Variants in NPR3 observed in about 807,000 individuals in gnomAD.
The protein encoded by NPR3 is atrial natriuretic peptide receptor 3.
In NPR3, 34 loss-of-function variants were observed where a neutral mutation model predicts 54.5. The observed-to-expected ratio is 0.62, with a 90% confidence interval of 0.47 to 0.83. The LOEUF (loss-of-function observed/expected upper bound fraction) is 0.83, where lower values mean the gene tolerates loss of function less well. Ranked by LOEUF, NPR3 falls within the 40% of genes least tolerant of loss-of-function variation. NPR3 has a pLI of 0.00. For missense variants in NPR3, 674 were observed against 720.8 expected, an observed-to-expected ratio of 0.94 and a Z score of 0.74; for synonymous variants, 289 against 297.1, an observed-to-expected ratio of 0.97 and a Z score of 0.28.
intron 4 of NPR3, among the ~76,000 whole-genome samples, chr5:32,779,852 A>G (rs1166781489): frequency 2.0e-5 from 3 of 152,192 alleles, no homozygotes; most frequent in Non-Finnish European, 4.4e-5. Context: ...CTTCCCTTAA[A>G]TGTGCTGAAA....
At position 32,760,693 on chromosome 5, in the gene NPR3, A is replaced by T. The variant is rs1741122683; in HGVS notation, c.1060-14015A>T. ...TTTTTTTTTTTTTAAATTTAGATGTAGTCAGTTTTTTTAATGTTCTGCTTT... is the reference window on the plus strand; with the variant it reads ...TTTTTTTTTTTTTAAATTTAGATGTTGTCAGTTTTTTTAATGTTCTGCTTT... On this transcript the variant is annotated intron_variant, in intron 3 of 7. Coordinates refer to ENST00000265074, the MANE Select transcript of NPR3 (RefSeq NM_001204375.2). 2.0e-5 allele frequency among the ~76,000 whole-genome samples: 3 copies of T among 149,630 alleles called. No individual in the cohort carries two copies. The South Asian group carries it at 6.4e-4, about 32-fold the overall frequency.
Position 32,769,251 on chromosome 5 carries a change from A to T in NPR3, c.1060-5457A>T, listed in dbSNP as rs139025463. On this transcript the variant is annotated intron_variant, in intron 3 of 7. Coordinates refer to ENST00000265074, the MANE Select transcript of NPR3 (RefSeq NM_001204375.2). ...AACAAAAATCGATATTCTATTTTTA[A>T]AGTCTAGGTACTGTATTATATTTGT... Among the ~76,000 whole-genome samples the T allele has an allele frequency of 4.1e-3, 628 of 152,340 alleles. 4 individuals are homozygous for T. Among genetic ancestry groups the T allele is most frequent in the African/African-American group, 0.014 (600 of 41,578 alleles).
intron 1 of NPR3, among the ~76,000 whole-genome samples, chr5:32,720,400 G>T (rs945086120): frequency 9.9e-5 from 15 of 152,278 alleles, no homozygotes; most frequent in Middle Eastern, 3.4e-3. Context: ...CCAATTCAGG[G>T]ATACTACCTG....
chr5:32,765,807 G>A (rs186267095), intron 3 of NPR3, among the ~76,000 whole-genome samples: 25 of 152,256 alleles, frequency 1.6e-4, no homozygotes, highest in South Asian at 8.3e-4. Context: ...CATTGAAAGG[G>A]AATCAAACGG....
rs976598675 is a variant in NPR3 at position 32,713,358 on chromosome 5, C to G, written c.769+813C>G. 5.1e-6 allele frequency: 5 copies of G among 985,302 alleles called. No homozygotes were observed. The African/African-American group carries it at 7.0e-5, about 14-fold the overall frequency. The allele number at this position is 985,302 out of a possible 1,614,324, so 61.0% of individuals were successfully genotyped here. On this transcript the variant is annotated intron_variant, in intron 1 of 7. Transcript: ENST00000265074. The stretch of plus-strand genomic sequence containing the variant: ...TAAAACCCAAACTGGACAAAGAGCT[C>G]GAGGCTGAGGATGGTGGCTATGGCT...
chr5:32,712,503 G>A lies in NPR3; in HGVS notation c.727G>A (p.Asp243Asn). ...IYSFDETKDL[D>N]LEDIVRNIQA... ...CAGTTTCGACGAGACCAAAGACTTG[G>A]ATCTGGAAGACATCGTGCGCAATAT... Residue 243 changes from aspartate to asparagine, a missense_variant, in exon 1 of 8, where the codon GAT becomes AAT. Asp to Asn is a conservative substitution (Grantham distance 23). Coordinates refer to ENST00000265074, the MANE Select transcript of NPR3 (RefSeq NM_001204375.2). The A allele has an allele frequency of 6.5e-7, 1 of 1,550,134 alleles. No individual in the cohort carries two copies. The highest frequency in any genetic ancestry group is 8.7e-7 in the Non-Finnish European group (1 of 1,150,310).
intron 3 of NPR3, among the ~76,000 whole-genome samples, chr5:32,768,464 C>T (rs1337595025): frequency 6.6e-6 from 1 of 152,182 alleles, no homozygotes; most frequent in Non-Finnish European, 1.5e-5. Flanking sequence ...CTTACTTGTG[C>T]TCCATACCCA....
intron 3 of NPR3, among the ~76,000 whole-genome samples, chr5:32,759,020 C>A (rs1050516668): frequency 1.3e-5 from 2 of 152,312 alleles, no homozygotes; most frequent in Middle Eastern, 3.4e-3. Context: ...TGCTTTACTT[C>A]CAACTATGTG....
chr5:32,724,823 A>G lies in NPR3; in HGVS notation c.892+3A>G. The G allele has an allele frequency of 6.2e-7, 1 of 1,613,804 alleles. No homozygotes were observed. The highest frequency in any genetic ancestry group is 1.6e-4 in the Middle Eastern group (1 of 6,062). ...GCTCTTCAACAGCTCTTCCTATGGT[A>G]ACTCTGCTTCCACTTTCCCCTCCTC... On this transcript the variant is annotated splice_donor_region_variant and intron_variant, in intron 2 of 7. Coordinates refer to ENST00000265074, the MANE Select transcript of NPR3 (RefSeq NM_001204375.2).
intron 3 of NPR3, among the ~76,000 whole-genome samples, chr5:32,759,970 G>T (rs1270634989): frequency 6.6e-6 from 1 of 152,140 alleles, no homozygotes; most frequent in East Asian, 1.9e-4. Flanking sequence ...TCTGCTGAGA[G>T]ATTCGCTGTT....
chr5:32,706,544 T>C (rs1162679624), upstream of NPR3, among the ~76,000 whole-genome samples: 1 of 152,218 alleles, frequency 6.6e-6, no homozygotes, highest in African/African-American at 2.4e-5. Context: ...CTTTTGTTTA[T>C]TTTGAGAGTG....
intron 7 of NPR3, among the ~76,000 whole-genome samples, chr5:32,785,337 G>C (rs1742563006): frequency 6.6e-6 from 1 of 151,936 alleles, no homozygotes; most frequent in Admixed American, 6.6e-5. Context: ...GTTTATTAGA[G>C]ATGGGGTTTC....
intron 3 of NPR3, among the ~76,000 whole-genome samples, chr5:32,759,354 T>C (rs927842715): frequency 1.3e-5 from 2 of 152,218 alleles, no homozygotes; most frequent in Non-Finnish European, 2.9e-5. Flanking sequence ...TTTACCATTA[T>C]GTAATGGCCT....
intron 3 of NPR3, among the ~76,000 whole-genome samples, chr5:32,772,985 A>G (rs902267371): frequency 1.3e-4 from 20 of 152,158 alleles, no homozygotes; most frequent in African/African-American, 4.8e-4. Flanking sequence ...AGGAGTCCCC[A>G]TCCTAGCTAG....
intron 3 of NPR3, among the ~76,000 whole-genome samples, chr5:32,755,222 C>G (rs1316874236): frequency 6.6e-6 from 1 of 152,220 alleles, no homozygotes; most frequent in African/African-American, 2.4e-5. Flanking sequence ...AATTTTCCCA[C>G]TGTTGCCACA....
chr5:32,754,856 G>C (rs1740751420), intron 3 of NPR3, among the ~76,000 whole-genome samples: 1 of 152,032 alleles, frequency 6.6e-6, no homozygotes, highest in Non-Finnish European at 1.5e-5. Context: ...ATCTTAAAGA[G>C]ATTTAATTTC....
chr5:32,765,702 G>C (rs1741415908), intron 3 of NPR3, among the ~76,000 whole-genome samples: 1 of 152,204 alleles, frequency 6.6e-6, no homozygotes, highest in Admixed American at 6.5e-5. Context: ...GGAGGAATTG[G>C]ATGGTTCAGA....
At chr5:32,774,445 C>A (rs1347783869) in intron 3 of NPR3, among the ~76,000 whole-genome samples, 1 of 152,164 alleles carries the variant, frequency 6.6e-6, no homozygotes, top group African/African-American at 2.4e-5. Context: ...GGTGGGCACA[C>A]TTGAAATACT....
At chr5:32,785,176 T>G (rs1742550622) in intron 7 of NPR3, among the ~76,000 whole-genome samples, 1 of 127,880 alleles carries the variant, frequency 7.8e-6, no homozygotes, top group Non-Finnish European at 1.6e-5. Flanking sequence ...TGAGACGGAG[T>G]CTCAGTCCCC....
Sources: allele counts gnomAD v4.1 joint callset (sites outside exome capture counted in the v4.1 genomes callset), GRCh38; gene constraint gnomAD v4.1.1; transcripts MANE v1.5; gene names NCBI Gene and HGNC (gene_info 2026-07-23, HGNC 2026-07-21).